The following MACROH2A1 variants were observed in gnomAD, a reference collection of about 807,000 sequenced individuals.
The protein encoded by MACROH2A1 is macroH2A.1 histone, also known as core histone macro-H2A.1.
MACROH2A1 carries 2 observed loss-of-function variants against 31.6 expected under a neutral mutation model. The ratio of observed to expected loss-of-function variants is 0.06; its 90% CI spans 0.03 to 0.20. The LOEUF (loss-of-function observed/expected upper bound fraction) is 0.20, where lower values mean the gene tolerates loss of function less well. MACROH2A1 is among the 10% of genes least tolerant of loss of function. The pLI, the probability that MACROH2A1 is intolerant of heterozygous loss-of-function variation, is 1.00. For missense variants in MACROH2A1, 230 were observed against 474.0 expected, an observed-to-expected ratio of 0.49 and a Z score of 4.78; for synonymous variants, 169 against 189.6, an observed-to-expected ratio of 0.89 and a Z score of 0.89.
chr5:135,350,959 C>T, intron 6 of MACROH2A1: 1 of 1,289,132 alleles, frequency 7.8e-7, no homozygotes, highest in Non-Finnish European at 1.1e-6. Flanking sequence ...GGACCGAGAC[C>T]CACGCACAGG....
intron 1 of MACROH2A1, among the ~76,000 whole-genome samples, chr5:135,396,590 G>C (rs906811008): frequency 2.0e-5 from 3 of 151,854 alleles, no homozygotes; most frequent in Non-Finnish European, 2.9e-5. Context: ...GCCCTCCTTT[G>C]CCCAGCCATC....
intron 8 of MACROH2A1, among the ~76,000 whole-genome samples, chr5:135,336,972 C>CTTCT (rs1347064520): frequency 6.6e-6 from 1 of 152,220 alleles, no homozygotes; most frequent in African/African-American, 2.4e-5. Flanking sequence ...GGGCCAAGGG[C>CTTCT]TTCTGGAGCA....
In MACROH2A1 at chr5:135,343,330, T is replaced by G. The variant is rs753615699; in HGVS notation, c.883A>C (p.Lys295Gln). ...KCEELLEKTV[K>Q]NCLALADDKK... ...TCATCAGCCAGGGCCAAGCAGTTTT[T>G]CACTGTCTTTTCCAGAAGTTCTTCA... is the stretch of plus-strand genomic sequence containing the variant. Residue 295 changes from lysine (K) to glutamine (Q), a missense_variant, in exon 8 of 9, where the codon AAA becomes CAA. Physicochemically the swap from Lys to Gln is moderately conservative, Grantham distance 53. Transcript: ENST00000511689. 1 of 1,614,248 alleles carries G rather than the reference T, an allele frequency of 6.2e-7. No homozygotes were observed. The highest frequency in any genetic ancestry group is 8.5e-7 in the Non-Finnish European group (1 of 1,180,050).
intron 6 of MACROH2A1, among the ~76,000 whole-genome samples, chr5:135,348,785 G>A (rs189193797): frequency 6.6e-6 from 1 of 152,332 alleles, no homozygotes; most frequent in Admixed American, 6.5e-5. Flanking sequence ...GCCAGTTGGG[G>A]TGTCTGAACC....
intron 2 of MACROH2A1, 115 bp from the exon 3 acceptor site, chr5:135,370,257 AC>A: frequency 1.6e-6 from 1 of 628,950 alleles, no homozygotes; most frequent in Admixed American, 2.6e-5. Context: ...GGAAGCAGCT[AC>A]CCTGAGGTGA....
intron 5 of MACROH2A1, chr5:135,357,901 T>C: frequency 1.0e-6 from 1 of 985,144 alleles, no homozygotes; most frequent in Non-Finnish European, 1.2e-6. Flanking sequence ...TTAGCAACCA[T>C]GCCTTACAGG....
In MACROH2A1 at chr5:135,343,271, G is replaced by A. The variant is rs774659216; in HGVS notation, c.942C>T (p.Ile314=). 8 of 1,613,988 alleles carry A rather than the reference G, an allele frequency of 5.0e-6. No individual in the cohort carries two copies. Among genetic ancestry groups the A allele is most frequent in the South Asian group, 2.2e-5 (2 of 91,090 alleles). The change falls in exon 8 of 9, where the codon ATC becomes ATT. Residue 314 remains isoleucine (I), a synonymous_variant. Coordinates refer to ENST00000511689, the MANE Select transcript of MACROH2A1 (RefSeq NM_138610.3). ...KKLKSIAFPS[I]GSGRNGFPKQ... ...GCATGTGCCCCTACCTGCCGCTGCCGATGGATGGAAATGCAATGGATTTCA... is the reference window on the plus strand; with the variant it reads ...GCATGTGCCCCTACCTGCCGCTGCCAATGGATGGAAATGCAATGGATTTCA...
chr5:135,362,229 G>A (rs950875058), intron 4 of MACROH2A1: 4 of 152,220 alleles, frequency 2.6e-5, no homozygotes, highest in African/African-American at 9.6e-5. Flanking sequence ...AAATAGACTG[G>A]TGAAGTTAAC....
At chr5:135,337,758 T>C (rs1759022137) in intron 8 of MACROH2A1, among the ~76,000 whole-genome samples, 1 of 152,202 alleles carries the variant, frequency 6.6e-6, no homozygotes, top group South Asian at 2.1e-4. Context: ...CAGTATCAAA[T>C]GTTTTAGACT....
rs1763935380 is a variant in MACROH2A1, at chr5:135,369,589, G to A, written c.294C>T (p.Val98=). The change falls in exon 4 of 9, where the codon GTC becomes GTT. Residue 98 remains valine, a synonymous_variant. Transcript: ENST00000511689. The surrounding 1 kb of genome is among the most constrained non-coding windows in gnomAD (Gnocchi z 4.3). ...GTAACACACCCCCACTGGCTATGGTGACTCCTTTTAGCAGCTTTCAGGAAA... is the reference window on the plus strand; with the variant it reads ...GTAACACACCCCCACTGGCTATGGTAACTCCTTTTAGCAGCTTTCAGGAAA... ...DEELNQLLKG[V]TIASGGVLPN... is the part of the protein sequence containing the mutation. 1 of 1,613,430 alleles carries A rather than the reference G, an allele frequency of 6.2e-7. No homozygotes were observed. The highest frequency in any genetic ancestry group is 1.3e-5 in the African/African-American group (1 of 74,898).
intron 2 of MACROH2A1, among the ~76,000 whole-genome samples, chr5:135,374,802 G>A (rs996038586): frequency 6.6e-6 from 1 of 152,182 alleles, no homozygotes; most frequent in Non-Finnish European, 1.5e-5. Context: ...TCTCTTGAAG[G>A]AAATTTTCAG....
chr5:135,383,302 G>A (rs903137984), intron 2 of MACROH2A1, among the ~76,000 whole-genome samples: 1 of 152,204 alleles, frequency 6.6e-6, no homozygotes, highest in Non-Finnish European at 1.5e-5. Flanking sequence ...TGATGTTTCT[G>A]TGACTGGCCG....
chr5:135,394,789 A>C (rs1320264986), intron 1 of MACROH2A1, among the ~76,000 whole-genome samples: 1 of 152,054 alleles, frequency 6.6e-6, no homozygotes, highest in Non-Finnish European at 1.5e-5. Context: ...TGCTCTACTC[A>C]CCACTGTATC....
rs906022704 is a variant in MACROH2A1 at position 135,336,834 on chromosome 5, A to G, written c.954-1693T>C. 7.9e-5 allele frequency among the ~76,000 whole-genome samples: 12 copies of G among 152,190 alleles called. 1 individual carries two copies. Among genetic ancestry groups the G allele is most frequent in the Non-Finnish European group, 1.6e-4 (11 of 68,036 alleles). ...CACAGAGGACAGGTTATCTGGAATG[A>G]GCCACGTTGAGAATTGCTTGAGGAG... is the stretch of plus-strand genomic sequence containing the variant. On this transcript the variant is annotated intron_variant, in intron 8 of 8. Transcript: ENST00000511689.
intron 2 of MACROH2A1, among the ~76,000 whole-genome samples, chr5:135,384,453 C>CT (rs147442919): frequency 0.033 from 5,088 of 152,282 alleles, 294 homozygotes; most frequent in African/African-American, 0.12. Context: ...GGCTGGGCCT[C>CT]ATCCAGTCTG....
In MACROH2A1 at chr5:135,371,917, G is replaced by A. The variant is rs184657754; in HGVS notation, c.173-1775C>T. Among the ~76,000 whole-genome samples, 282 of 152,270 alleles carry A rather than the reference G, an allele frequency of 1.9e-3. 3 individuals are homozygous for A. Among genetic ancestry groups the A allele is most frequent in the South Asian group, 0.014 (69 of 4,830 alleles). ...TAAAAATCGTGTGTTAAAAATTTACGGTATGACACAGGGCATGCATTTTTA... is the reference window on the plus strand; with the variant it reads ...TAAAAATCGTGTGTTAAAAATTTACAGTATGACACAGGGCATGCATTTTTA... On this transcript the variant is annotated intron_variant, in intron 2 of 8. Coordinates refer to ENST00000511689, the MANE Select transcript of MACROH2A1 (RefSeq NM_138610.3).
intron 1 of MACROH2A1, among the ~76,000 whole-genome samples, chr5:135,394,101 G>A (rs576081910): frequency 6.6e-6 from 1 of 152,294 alleles, no homozygotes; most frequent in African/African-American, 2.4e-5. Context: ...ACTAGGAGGG[G>A]CAGTAGGGGC....
At chr5:135,360,321 G>A in intron 5 of MACROH2A1, 176 bp downstream of exon 5, 1 of 600,744 alleles carries the variant, frequency 1.7e-6, no homozygotes, top group Non-Finnish European at 3.0e-6. Context: ...CCTCAGCATT[G>A]TGGCCTCCCC....
At chr5:135,356,265 C>T (rs570149458) in intron 5 of MACROH2A1, 4 of 152,288 alleles carry the variant, frequency 2.6e-5, no homozygotes, top group African/African-American at 9.6e-5. Context: ...AGATCCCTTC[C>T]AGCACTGGGA....
Sources: gnomAD v4.1 joint callset for allele counts (sites outside exome capture counted in the v4.1 genomes callset) on GRCh38, gnomAD v4.1.1 for gene constraint, Gnocchi (gnomAD v3.1) non-coding constraint, MANE v1.5 for transcripts, NCBI Gene and HGNC (gene_info 2026-07-23, HGNC 2026-07-21) for gene names.